The following CUBN variants were observed in gnomAD, a reference collection of about 807,000 sequenced individuals.
The protein encoded by CUBN is cubilin.
In CUBN, 282 loss-of-function variants were observed where a neutral mutation model predicts 405.3. That is an observed-to-expected ratio of 0.70 (90% CI 0.63 to 0.77). The LOEUF (loss-of-function observed/expected upper bound fraction) is 0.77. Among genes scored for constraint, CUBN ranks in the 30% least tolerant of loss-of-function variants. The pLI, the probability that CUBN is intolerant of heterozygous loss-of-function variation, is 0.00. For synonymous variants in CUBN, 1,684 were observed against 1,617.0 expected (o/e 1.04, Z -0.99); for missense variants, 4,514 against 4,475.2 (o/e 1.01, Z -0.25).
At chr10:16,977,401 G>A (rs1189262656) in intron 31 of CUBN, among the ~76,000 whole-genome samples, 1 of 152,192 alleles carries the variant, frequency 6.6e-6, no homozygotes, top group Admixed American at 6.5e-5. Context: ...GTACAGCAGA[G>A]AAAGAGAGAA....
At chr10:17,120,954 G>A (rs10795448) in intron 6 of CUBN, among the ~76,000 whole-genome samples, 139,056 of 152,196 alleles carry the variant, frequency 0.91, 63,735 homozygotes, top group Non-Finnish European at 0.95. Flanking sequence ...TGCCACCAAT[G>A]CCTCTATGTA....
intron 62 of CUBN, among the ~76,000 whole-genome samples, chr10:16,839,082 G>C (rs1839264609): frequency 1.3e-5 from 2 of 152,108 alleles, no homozygotes; most frequent in African/African-American, 2.4e-5. Context: ...CTAACTAGAG[G>C]TATTTCTCCA....
At position 17,100,165 on chromosome 10, in the gene CUBN, A is replaced by G; in HGVS notation, c.1605T>C (p.Tyr535=). Reference sequence around the variant, plus strand: ...GAAAAGCAGAAGAGGAATCTCCATCATAAACCTGAAGAAACTCGTGTGGAC... The same window carrying G: ...GAAAAGCAGAAGAGGAATCTCCATCGTAAACCTGAAGAAACTCGTGTGGAC... ...DNCPHEFLQV[Y]DGDSSSAFQL... The change falls in exon 14 of 67, where the codon TAT becomes TAC. Residue 535 remains tyrosine (Y), a synonymous_variant. Coordinates refer to ENST00000377833, the MANE Select transcript of CUBN (RefSeq NM_001081.4). 1 of 1,614,150 alleles carries G rather than the reference A, an allele frequency of 6.2e-7. No individual in the cohort carries two copies. Among genetic ancestry groups the G allele is most frequent in the Non-Finnish European group, 8.5e-7 (1 of 1,179,984 alleles).
intron 34 of CUBN, among the ~76,000 whole-genome samples, 197 bp downstream of exon 34, chr10:16,949,804 T>C (rs943018221): frequency 1.3e-5 from 2 of 152,190 alleles, no homozygotes; most frequent in Admixed American, 1.3e-4. Context: ...CGTTTGAATA[T>C]ATTAATAAAC....
At chr10:17,000,433 G>A (rs560179053) in intron 28 of CUBN, among the ~76,000 whole-genome samples, 9 of 152,224 alleles carry the variant, frequency 5.9e-5, no homozygotes, top group African/African-American at 9.6e-5. Context: ...GCGCCCCTCC[G>A]CCCCAACCCA....
intron 59 of CUBN, among the ~76,000 whole-genome samples, chr10:16,861,511 T>C (rs1840012041): frequency 6.6e-6 from 1 of 152,170 alleles, no homozygotes; most frequent in Non-Finnish European, 1.5e-5. Context: ...TAGCTAAAAA[T>C]TCTCGCATGT....
intron 27 of CUBN, among the ~76,000 whole-genome samples, chr10:17,023,059 A>C (rs548417689): frequency 6.6e-6 from 1 of 152,322 alleles, no homozygotes; most frequent in Admixed American, 6.5e-5. Context: ...GCTCTGCAAG[A>C]TTAAGAAATG....
At chr10:16,828,670 A>G in intron 66 of CUBN, 135 bp downstream of exon 66, 1 of 723,592 alleles carries the variant, frequency 1.4e-6, no homozygotes, top group Non-Finnish European at 2.4e-6. Flanking sequence ...GTGAGTTGAG[A>G]TTGCGCGCAC....
chr10:16,963,787 T>C (rs1250235635), intron 31 of CUBN, among the ~76,000 whole-genome samples: 1 of 152,198 alleles, frequency 6.6e-6, no homozygotes, highest in Middle Eastern at 3.2e-3. Flanking sequence ...AATGAGTGAA[T>C]AGAGCAAGTT....
At position 17,071,624 on chromosome 10, in the gene CUBN, A is replaced by C. The variant is rs374644246; in HGVS notation, c.2447-20T>G. ...CGCAAGCTGTAAGCATAAAAATTAT[A>C]GTAGTGCTTGTCCAGATATTAATAA... On this transcript the variant is annotated intron_variant, in intron 18 of 66. Transcript: ENST00000377833. The C allele has an allele frequency of 1.6e-4, 263 of 1,606,896 alleles. 1 individual carries two copies. The Middle Eastern group carries it at 1.8e-3, about 11-fold the overall frequency.
chr10:17,064,397 T>G (rs1380804221), intron 22 of CUBN, among the ~76,000 whole-genome samples: 1 of 152,156 alleles, frequency 6.6e-6, no homozygotes, highest in Non-Finnish European at 1.5e-5. Flanking sequence ...GTGGGGACTT[T>G]AAAAGATAAG....
At chr10:17,098,665 C>T (rs931584952) in intron 14 of CUBN, among the ~76,000 whole-genome samples, 2 of 151,918 alleles carry the variant, frequency 1.3e-5, no homozygotes, top group African/African-American at 2.4e-5. Flanking sequence ...TAATTATGTA[C>T]GTTTAAAAAA....
At chr10:17,037,185 T>C (rs1359059586) in intron 27 of CUBN, among the ~76,000 whole-genome samples, 1 of 152,190 alleles carries the variant, frequency 6.6e-6, no homozygotes, top group African/African-American at 2.4e-5. Flanking sequence ...CAAAAGAACT[T>C]ATCATTTAAG....
intron 60 of CUBN, among the ~76,000 whole-genome samples, chr10:16,847,400 C>T (rs550312889): frequency 6.6e-6 from 1 of 152,018 alleles, no homozygotes; most frequent in South Asian, 2.1e-4. Context: ...TGCAGTGAGC[C>T]GAGATAGCAC....
In CUBN at chr10:16,918,774, C is replaced by T. The variant is rs748531023; in HGVS notation, c.6848G>A (p.Arg2283Gln). 38 of 1,613,690 alleles carry T rather than the reference C, an allele frequency of 2.4e-5. No homozygotes were observed. The highest frequency in any genetic ancestry group is 2.1e-4 in the South Asian group (19 of 91,052). ...PNCTSNYLEL[R>Q]DGVDSDAPIL... ...TGGTGCATCCGAATCCACTCCATCC[C>T]GCAACTCAAGGTAGTTGGAAGTACA... is the stretch of plus-strand genomic sequence containing the variant. Residue 2283 changes from arginine (R) to glutamine (Q), a missense_variant, in exon 45 of 67, where the codon CGG (arginine) becomes CAG (glutamine). Coordinates refer to ENST00000377833, the MANE Select transcript of CUBN (RefSeq NM_001081.4).
chr10:16,901,935 A>ACCCC (rs1554790407), intron 51 of CUBN, among the ~76,000 whole-genome samples: 1 of 137,302 alleles, frequency 7.3e-6, no homozygotes, highest in African/African-American at 2.8e-5. Context: ...ACACACACAC[A>ACCCC]CCATATATAG....
At chr10:17,070,619 A>G (rs1216346261) in intron 19 of CUBN, among the ~76,000 whole-genome samples, 1 of 152,038 alleles carries the variant, frequency 6.6e-6, no homozygotes, top group Non-Finnish European at 1.5e-5. Context: ...TTATTTTTTA[A>G]TGCTATTGTA....
At chr10:16,998,989 T>C (rs1266076275) in intron 28 of CUBN, among the ~76,000 whole-genome samples, 1 of 152,238 alleles carries the variant, frequency 6.6e-6, no homozygotes, top group African/African-American at 2.4e-5. Flanking sequence ...ATTCGACTAA[T>C]TTCTATACAG....
intron 59 of CUBN, 72 bp downstream of exon 59, chr10:16,869,564 G>A (rs1395229285): frequency 2.0e-6 from 2 of 986,494 alleles, no homozygotes; most frequent in South Asian, 1.3e-5. Flanking sequence ...GGGTGGGGGG[G>A]GGGCGGGGAA....
Sources: allele counts gnomAD v4.1 joint callset (sites outside exome capture counted in the v4.1 genomes callset), GRCh38; gene constraint gnomAD v4.1.1; transcripts MANE v1.5; gene names NCBI Gene and HGNC (gene_info 2026-07-23, HGNC 2026-07-21).